The following POPDC1 variants were observed in gnomAD, a reference collection of about 807,000 sequenced individuals.
POPDC1 encodes popeye domain-containing protein 1.
At chr6:105,127,706 G>C in the POPDC1 span, among the ~76,000 whole-genome samples, 2 of 152,040 alleles carry the variant, frequency 1.3e-5, no homozygotes, top group East Asian at 3.9e-4. Flanking sequence ...AAAGTGCTGG[G>C]ATTACAGGCA....
the POPDC1 span, among the ~76,000 whole-genome samples, chr6:105,104,883 A>T: frequency 1.3e-5 from 2 of 151,862 alleles, no homozygotes; most frequent in South Asian, 4.2e-4. Context: ...CCAGTCTTTC[A>T]TGCTGTCTTA....
At chr6:105,109,155 G>C in the POPDC1 span, among the ~76,000 whole-genome samples, 1 of 152,036 alleles carries the variant, frequency 6.6e-6, no homozygotes, top group Non-Finnish European at 1.5e-5. Flanking sequence ...ACAGAGTTTT[G>C]TCATGCTGGC....
chr6:105,132,034 T>C, the POPDC1 span, among the ~76,000 whole-genome samples: 1 of 151,878 alleles, frequency 6.6e-6, no homozygotes, highest in East Asian at 1.9e-4. Flanking sequence ...GGCACAATCT[T>C]GGCTCACTGC....
At chr6:105,123,180 C>G in the POPDC1 span, among the ~76,000 whole-genome samples, 1 of 152,182 alleles carries the variant, frequency 6.6e-6, no homozygotes, top group African/African-American at 2.4e-5. Context: ...GTTTCCATTT[C>G]TTACCTAAAT....
the POPDC1 span, chr6:105,137,119 TG>T: frequency 6.6e-6 from 1 of 151,836 alleles, no homozygotes; most frequent in Non-Finnish European, 1.5e-5. Flanking sequence ...GAAGCTCCGC[TG>T]CCCGGGCCGG....
chr6:105,106,187 T>A, the POPDC1 span, among the ~76,000 whole-genome samples: 1 of 152,194 alleles, frequency 6.6e-6, no homozygotes, highest in African/African-American at 2.4e-5. Context: ...AAACCCAGAC[T>A]TAACAGGTGT....
At chr6:105,130,688 C>A in the POPDC1 span, among the ~76,000 whole-genome samples, 42 of 152,184 alleles carry the variant, frequency 2.8e-4, no homozygotes, top group Non-Finnish European at 5.6e-4. Context: ...AGGGTATAAA[C>A]CAATAAAGTA....
the POPDC1 span, among the ~76,000 whole-genome samples, chr6:105,119,840 A>T: frequency 6.6e-6 from 1 of 152,246 alleles, no homozygotes; most frequent in Non-Finnish European, 1.5e-5. Context: ...TTCCTTAGCA[A>T]ATTCACTTTT....
At chr6:105,128,355 G>T in the POPDC1 span, among the ~76,000 whole-genome samples, 5,526 of 152,204 alleles carry the variant, frequency 0.036, 118 homozygotes, top group African/African-American at 0.055. Flanking sequence ...TTTCTCTTTT[G>T]CTCTCCAGTA....
the POPDC1 span, among the ~76,000 whole-genome samples, chr6:105,123,515 C>T: frequency 6.6e-6 from 1 of 152,064 alleles, no homozygotes; most frequent in African/African-American, 2.4e-5. Flanking sequence ...ATTCTCCTGC[C>T]TCAGCCTCCC....
At chr6:105,126,067 G>T in the POPDC1 span, among the ~76,000 whole-genome samples, 22 of 151,808 alleles carry the variant, frequency 1.4e-4, no homozygotes, top group African/African-American at 5.1e-4. Context: ...TCTACTAAAA[G>T]TACAAGAAAT....
chr6:105,126,423 C>G, the POPDC1 span, among the ~76,000 whole-genome samples: 31 of 148,890 alleles, frequency 2.1e-4, 1 homozygote, highest in African/African-American at 7.6e-5. Flanking sequence ...CAGAGTAACA[C>G]TGTCTCAAAA....
chr6:105,131,305 T>C, the POPDC1 span, among the ~76,000 whole-genome samples: 1 of 152,208 alleles, frequency 6.6e-6, no homozygotes, highest in African/African-American at 2.4e-5. Context: ...TATTTTAATT[T>C]AAAGGAGACA....
chr6:105,117,807 G>A, the POPDC1 span, among the ~76,000 whole-genome samples: 3 of 152,230 alleles, frequency 2.0e-5, no homozygotes, highest in East Asian at 1.9e-4. Flanking sequence ...CCAACATGGA[G>A]TGGTGCTTAA....
At chr6:105,130,330 G>A in the POPDC1 span, among the ~76,000 whole-genome samples, 9 of 151,792 alleles carry the variant, frequency 5.9e-5, no homozygotes, top group African/African-American at 1.9e-4. Context: ...CCCTACTGCC[G>A]GAAACACAAT....
the POPDC1 span, among the ~76,000 whole-genome samples, chr6:105,116,379 T>C: frequency 6.6e-6 from 1 of 152,164 alleles, no homozygotes; most frequent in Non-Finnish European, 1.5e-5. Context: ...CCTTTCTCTG[T>C]CTGCAAACCT....
At chr6:105,125,363 G>C in the POPDC1 span, 8 of 1,609,556 alleles carry the variant, frequency 5.0e-6, no homozygotes, top group East Asian at 1.6e-4. Flanking sequence ...AGGTAAACTA[G>C]GAATTTTGAT....
chr6:105,104,352 A>T, the POPDC1 span, among the ~76,000 whole-genome samples: 1 of 152,138 alleles, frequency 6.6e-6, no homozygotes, highest in Non-Finnish European at 1.5e-5. Context: ...CTTCCTTATT[A>T]GAAAACAGGC....
the POPDC1 span, among the ~76,000 whole-genome samples, chr6:105,114,953 T>C: frequency 6.6e-6 from 1 of 152,258 alleles, no homozygotes; most frequent in Non-Finnish European, 1.5e-5. Context: ...GTCTACCATT[T>C]AGTAAAACAT....
Sources: gnomAD v4.1 joint callset for allele counts (sites outside exome capture counted in the v4.1 genomes callset) on GRCh38, gnomAD v4.1.1 for gene constraint, MANE v1.5 for transcripts, NCBI Gene and HGNC (gene_info 2026-07-23, HGNC 2026-07-21) for gene names.